GEMIN7: variants seen among roughly 807,000 people sequenced by gnomAD.
The protein encoded by GEMIN7 is gem-associated protein 7.
In GEMIN7, 7 loss-of-function variants were observed where a neutral mutation model predicts 7.8. That is an observed-to-expected ratio of 0.90 (90% CI 0.51 to 1.69). The LOEUF is 1.69. GEMIN7 is among the 40% of genes most tolerant of loss of function. GEMIN7 has a pLI of 0.00. For missense variants in GEMIN7, 159 were observed against 176.2 expected, an observed-to-expected ratio of 0.90 and a Z score of 0.55; for synonymous variants, 68 against 72.4, an observed-to-expected ratio of 0.94 and a Z score of 0.31.
chr19:45,076,022 C>G, upstream of GEMIN7: 1 of 1,570,262 alleles, frequency 6.4e-7, no homozygotes, highest in East Asian at 2.3e-5. This position sits in a 1 kb window ranked among gnomAD's most constrained non-coding sequence, Gnocchi z 4.9. Context: ...AGGGAAGGGT[C>G]CCACCCGAGG....
chr19:45,076,491 C>G (rs1340237381), upstream of GEMIN7: 2 of 745,938 alleles, frequency 2.7e-6, no homozygotes, highest in Non-Finnish European at 3.6e-6. The surrounding 1 kb of genome is among the most constrained non-coding windows in gnomAD (Gnocchi z 4.9). Flanking sequence ...GGCGACCCGC[C>G]GCGAACTCTT....
intron 2 of GEMIN7, among the ~76,000 whole-genome samples, chr19:45,080,374 A>ATTT (rs765472967): frequency 1.5e-5 from 2 of 134,886 alleles, no homozygotes. Flanking sequence ...CAAGGAAATG[A>ATTT]TTTTTTTTTT....
chr19:45,083,576 C>T (rs1206956829), intron 2 of GEMIN7, among the ~76,000 whole-genome samples: 1 of 148,330 alleles, frequency 6.7e-6, no homozygotes. Context: ...CTCTTTTTCA[C>T]ATTTTCTTTT....
intron 2 of GEMIN7, among the ~76,000 whole-genome samples, chr19:45,082,841 G>C (rs1043607682): frequency 7.0e-6 from 1 of 142,402 alleles, no homozygotes; most frequent in Non-Finnish European, 1.5e-5. Flanking sequence ...GGCTGGTCTT[G>C]AACTCCTACG....
chr19:45,085,587 G>C (rs1166699638), intron 2 of GEMIN7: 1 of 152,162 alleles, frequency 6.6e-6, no homozygotes, highest in African/African-American at 2.4e-5. Flanking sequence ...TGGTCTATCT[G>C]CAGGGTCCTG....
At chr19:45,083,683 T>G (rs1967580119) in intron 2 of GEMIN7, among the ~76,000 whole-genome samples, 1 of 142,324 alleles carries the variant, frequency 7.0e-6, no homozygotes, top group Non-Finnish European at 1.5e-5. Flanking sequence ...CACTGCAGCC[T>G]CAGCCTCCTC....
chr19:45,090,403 C>T lies in GEMIN7; in HGVS notation c.289C>T (p.Leu97=). The T allele has an allele frequency of 6.2e-7, 1 of 1,614,172 alleles. No homozygotes were observed. The highest frequency in any genetic ancestry group is 1.1e-5 in the South Asian group (1 of 91,088). ...RVAAHFGATD[L]DVANFYVSQL... ...GGCCGCCCACTTTGGAGCCACCGACCTGGATGTGGCCAACTTCTACGTGTC... is the reference window on the plus strand; with the variant it reads ...GGCCGCCCACTTTGGAGCCACCGACTTGGATGTGGCCAACTTCTACGTGTC... Residue 97 remains leucine (L), a synonymous_variant, in exon 3 of 3, where the codon CTG becomes TTG. Coordinates refer to ENST00000270257, the MANE Select transcript of GEMIN7 (RefSeq NM_024707.3).
intron 2 of GEMIN7, among the ~76,000 whole-genome samples, chr19:45,087,028 G>T (rs929638842): frequency 1.3e-5 from 2 of 151,764 alleles, no homozygotes; most frequent in African/African-American, 4.8e-5. Flanking sequence ...TGTATTCTTA[G>T]TAGAGACGGG....
In GEMIN7 at chr19:45,080,707, C is replaced by T. The variant is rs983958666; in HGVS notation, c.-9+678C>T. Among the ~76,000 whole-genome samples the T allele has an allele frequency of 2.0e-5, 3 of 150,894 alleles. 1 individual carries two copies. Among genetic ancestry groups the T allele is most frequent in the Non-Finnish European group, 4.4e-5 (3 of 67,908 alleles). ...GGAAAGATTTGACCTGCCAGCTTCA[C>T]TGGCCACTTTACAAAAATGGGGATT... On this transcript the variant is annotated intron_variant, in intron 2 of 2. Coordinates refer to ENST00000270257, the MANE Select transcript of GEMIN7 (RefSeq NM_024707.3).
At chr19:45,075,668 C>G (rs769362101), upstream of GEMIN7, 1 of 1,603,220 alleles carries the variant, frequency 6.2e-7, no homozygotes, top group Non-Finnish European at 8.5e-7. Context: ...AGCAGGAAGC[C>G]CAGCCCTCGA....
intron 2 of GEMIN7, among the ~76,000 whole-genome samples, chr19:45,083,933 G>A (rs767598816): frequency 5.9e-5 from 9 of 151,938 alleles, no homozygotes; most frequent in Middle Eastern, 3.4e-3. Context: ...AATTTAGGCC[G>A]GGCACGGTGG....
rs1967865887 is a variant in GEMIN7, at chr19:45,090,577, G to A, written c.*67G>A. The A allele has an allele frequency of 6.8e-7, 1 of 1,478,758 alleles. No homozygotes were observed. The highest frequency in any genetic ancestry group is 1.9e-5 in the Admixed American group (1 of 51,868). 91.6% of individuals were successfully genotyped at this position (1,478,758 alleles called of 1,614,324 possible). A position where few individuals can be genotyped will look rare whatever the true frequency, so the allele number is the denominator to read the frequency against. ...ATCCCAGGCCTCCCAATGTTCCCGA[G>A]CCAGGAACTCTGGGCCCCATGGAGT... On this transcript the variant is annotated 3_prime_UTR_variant, in exon 3 of 3. Coordinates refer to ENST00000270257, the MANE Select transcript of GEMIN7 (RefSeq NM_024707.3).
intron 2 of GEMIN7, among the ~76,000 whole-genome samples, chr19:45,089,185 G>A (rs547234070): frequency 2.2e-4 from 33 of 151,756 alleles, no homozygotes; most frequent in Non-Finnish European, 4.7e-4. Context: ...CAAGTGATTC[G>A]CCCACCTTGG....
upstream of GEMIN7, among the ~76,000 whole-genome samples, chr19:45,077,908 T>A (rs892221238): frequency 2.0e-5 from 3 of 151,990 alleles, no homozygotes; most frequent in Non-Finnish European, 4.4e-5. Context: ...AAATTATTTT[T>A]AAATAGAGAC....
intron 2 of GEMIN7, among the ~76,000 whole-genome samples, chr19:45,085,014 C>A (rs1360413598): frequency 6.6e-6 from 1 of 152,200 alleles, no homozygotes; most frequent in African/African-American, 2.4e-5. Context: ...CTCAGGTGAT[C>A]CGCCCACCTC....
At chr19:45,089,682 AAT>A (rs200006891) in intron 2 of GEMIN7, among the ~76,000 whole-genome samples, 1 of 151,588 alleles carries the variant, frequency 6.6e-6, no homozygotes, top group African/African-American at 2.4e-5. Flanking sequence ...GCTAATGTAA[AAT>A]ATATATATAT....
chr19:45,076,005 T>G, upstream of GEMIN7: 1 of 1,566,920 alleles, frequency 6.4e-7, no homozygotes, highest in Non-Finnish European at 8.6e-7. The surrounding 1 kb of genome is among the most constrained non-coding windows in gnomAD (Gnocchi z 4.9). Flanking sequence ...GAGGGGCCCA[T>G]GCCCAAAGGG....
chr19:45,076,155 C>A, upstream of GEMIN7: 1 of 1,544,486 alleles, frequency 6.5e-7, no homozygotes. This position sits in a 1 kb window ranked among gnomAD's most constrained non-coding sequence, Gnocchi z 4.9. Flanking sequence ...CCCCGGCGGG[C>A]ATGGGGCCAG....
intron 2 of GEMIN7, among the ~76,000 whole-genome samples, chr19:45,085,863 CTTTTTTT>C (rs869044428): frequency 0.063 from 5,600 of 88,422 alleles, 589 homozygotes; most frequent in East Asian, 0.48. Context: ...ACAAGAATCT[CTTTTTTT>C]TTTTTTTTTT....
Sources: gnomAD v4.1 joint callset for allele counts (sites outside exome capture counted in the v4.1 genomes callset) on GRCh38, gnomAD v4.1.1 for gene constraint, Gnocchi (gnomAD v3.1) non-coding constraint, MANE v1.5 for transcripts, NCBI Gene and HGNC (gene_info 2026-07-23, HGNC 2026-07-21) for gene names.